ATP9B: variants seen among roughly 807,000 people sequenced by gnomAD.
The protein encoded by ATP9B is ATPase phospholipid transporting 9B.
Under a neutral mutation model 146.1 loss-of-function variants are expected in ATP9B, and 110 were observed. That is an observed-to-expected ratio of 0.75 (90% confidence interval 0.65 to 0.88). The LOEUF is 0.88. Ranked by LOEUF, ATP9B falls within the 40% of genes least tolerant of loss-of-function variation. ATP9B has a pLI of 0.00. For synonymous variants in ATP9B, 604 were observed against 569.7 expected, an observed-to-expected ratio of 1.06 and a Z score of -0.86; for missense variants, 1,499 against 1,496.4, an observed-to-expected ratio of 1.00 and a Z score of -0.03.
chr18:79,087,530 A>G (rs1568389216), intron 1 of ATP9B: 1 of 152,254 alleles, frequency 6.6e-6, no homozygotes, highest in Non-Finnish European at 1.5e-5. Context: ...CTTTATTAAC[A>G]TGCAGGCAAA....
At chr18:79,342,218 T>C (rs1450203144) in intron 19 of ATP9B, 50 bp from the exon 20 acceptor site, 1 of 1,412,230 alleles carries the variant, frequency 7.1e-7, no homozygotes, top group Admixed American at 1.7e-5. Context: ...ACATCAGAAA[T>C]GAACGTGTCC....
At chr18:79,181,186 T>C (rs2095248388) in intron 8 of ATP9B, among the ~76,000 whole-genome samples, 1 of 152,200 alleles carries the variant, frequency 6.6e-6, no homozygotes, top group African/African-American at 2.4e-5. Flanking sequence ...TTTCATCTGA[T>C]GGCATCCATA....
intron 13 of ATP9B, among the ~76,000 whole-genome samples, chr18:79,294,060 T>C (rs917029347): frequency 6.6e-6 from 1 of 152,124 alleles, no homozygotes; most frequent in Non-Finnish European, 1.5e-5. Flanking sequence ...ACCACCAAGC[T>C]GAGAAAGGAC....
chr18:79,264,053 C>T (rs1046186180), intron 12 of ATP9B, among the ~76,000 whole-genome samples: 1 of 152,118 alleles, frequency 6.6e-6, no homozygotes, highest in African/African-American at 2.4e-5. Flanking sequence ...CCACTGCACT[C>T]CAGCCCAGGC....
intron 17 of ATP9B, among the ~76,000 whole-genome samples, chr18:79,334,669 C>T (rs2096811366): frequency 6.6e-6 from 1 of 152,172 alleles, no homozygotes; most frequent in Admixed American, 6.5e-5. Context: ...TGTCTGCATC[C>T]CCCAGACGTT....
chr18:79,202,690 T>C (rs772832130), intron 9 of ATP9B, among the ~76,000 whole-genome samples: 2 of 152,264 alleles, frequency 1.3e-5, no homozygotes, highest in African/African-American at 2.4e-5. Context: ...TAAAAAACTA[T>C]CTTTTGGAAT....
chr18:79,135,383 G>A (rs2094435486), intron 5 of ATP9B, among the ~76,000 whole-genome samples: 1 of 152,102 alleles, frequency 6.6e-6, no homozygotes, highest in South Asian at 2.1e-4. Context: ...TTCATAACCT[G>A]AAGCTTTTCT....
chr18:79,279,862 T>C (rs2096357474), intron 13 of ATP9B, among the ~76,000 whole-genome samples: 1 of 152,224 alleles, frequency 6.6e-6, no homozygotes, highest in South Asian at 2.1e-4. Context: ...TCCTGTTCAC[T>C]CTTGGTGGGA....
At chr18:79,175,672 C>T (rs893138004) in intron 7 of ATP9B, among the ~76,000 whole-genome samples, 2 of 152,202 alleles carry the variant, frequency 1.3e-5, no homozygotes, top group Admixed American at 1.3e-4. Context: ...CACAGATCCT[C>T]AGGTACTTGT....
chr18:79,301,659 T>G (rs1325328356), intron 13 of ATP9B, among the ~76,000 whole-genome samples: 1 of 152,194 alleles, frequency 6.6e-6, no homozygotes, highest in African/African-American at 2.4e-5. Flanking sequence ...TCATGTAATT[T>G]TGATGATTTT....
intron 11 of ATP9B, among the ~76,000 whole-genome samples, chr18:79,242,723 C>G (rs2095901385): frequency 6.6e-6 from 1 of 152,290 alleles, no homozygotes; most frequent in Middle Eastern, 3.4e-3. Flanking sequence ...ATCTGAGCAA[C>G]TTTTTACACA....
intron 13 of ATP9B, among the ~76,000 whole-genome samples, chr18:79,280,608 G>A (rs1262378428): frequency 2.0e-5 from 3 of 152,156 alleles, no homozygotes. Context: ...AGGCAGTTCA[G>A]AAGATTTGAA....
intron 8 of ATP9B, among the ~76,000 whole-genome samples, chr18:79,180,902 C>A (rs940936133): frequency 6.6e-6 from 1 of 152,016 alleles, no homozygotes; most frequent in Non-Finnish European, 1.5e-5. Flanking sequence ...AAGCAATTCT[C>A]CTGTCTCAGC....
chr18:79,322,914 C>T (rs1035657405), intron 15 of ATP9B, among the ~76,000 whole-genome samples: 6 of 152,070 alleles, frequency 3.9e-5, no homozygotes, highest in Admixed American at 1.3e-4. Context: ...GACTCGGGGC[C>T]TTTGATTTAG....
chr18:79,267,607 C>T (rs2096216067), intron 12 of ATP9B, among the ~76,000 whole-genome samples: 1 of 152,024 alleles, frequency 6.6e-6, no homozygotes, highest in Non-Finnish European at 1.5e-5. Context: ...TCATCTTTGA[C>T]CCATGCTTAT....
chr18:79,103,473 C>T (rs907155385), intron 2 of ATP9B, among the ~76,000 whole-genome samples: 2 of 151,808 alleles, frequency 1.3e-5, no homozygotes, highest in Non-Finnish European at 2.9e-5. Flanking sequence ...TGTGGTATAC[C>T]TCTGTGAAGA....
intron 2 of ATP9B, among the ~76,000 whole-genome samples, chr18:79,102,859 C>T (rs756578316): frequency 2.0e-5 from 3 of 152,220 alleles, no homozygotes; most frequent in Non-Finnish European, 4.4e-5. Context: ...TAGATTTACT[C>T]CTAAGTGTTT....
chr18:79,246,000 CGGAGGGCACCGCCCTACTGACTGA>C (rs1352147900), intron 11 of ATP9B, among the ~76,000 whole-genome samples: 56 of 116,896 alleles, frequency 4.8e-4, no homozygotes, highest in Admixed American at 2.1e-3. Context: ...ACTGTCTGTG[CGGAGGGCACCGCCCTACTGACTGA>C]GGAGGGCACC....
chr18:79,338,026 AC>A (rs2096837305), intron 19 of ATP9B, among the ~76,000 whole-genome samples: 1 of 152,008 alleles, frequency 6.6e-6, no homozygotes, highest in Non-Finnish European at 1.5e-5. Context: ...GTGCATGAGA[AC>A]CCAGACCTCA....
Sources: gnomAD v4.1 joint callset for allele counts (sites outside exome capture counted in the v4.1 genomes callset) on GRCh38, gnomAD v4.1.1 for gene constraint, MANE v1.5 for transcripts, NCBI Gene and HGNC (gene_info 2026-07-23, HGNC 2026-07-21) for gene names.